CNTN4: variants seen among roughly 807,000 people sequenced by gnomAD.
The protein encoded by CNTN4 is contactin 4.
In CNTN4, 77 loss-of-function variants were observed where a neutral mutation model predicts 122.5. That is an observed-to-expected ratio of 0.63 (90% CI 0.52 to 0.76). CNTN4 has a LOEUF of 0.76. Ranked by LOEUF, CNTN4 falls within the 30% of genes least tolerant of loss-of-function variation. CNTN4 has a pLI of 0.00. For synonymous variants in CNTN4, 512 were observed against 447.0 expected, an observed-to-expected ratio of 1.15 and a Z score of -1.83; for missense variants, 1,256 against 1,259.1, an observed-to-expected ratio of 1.00 and a Z score of 0.04.
intron 2 of CNTN4, among the ~76,000 whole-genome samples, chr3:2,334,825 G>C (rs1173223167): frequency 6.6e-6 from 1 of 152,124 alleles, no homozygotes; most frequent in Non-Finnish European, 1.5e-5. Context: ...CCGCATCTGG[G>C]TTTTTGAACA....
At chr3:2,941,801 G>A (rs2094618846) in intron 13 of CNTN4, among the ~76,000 whole-genome samples, 1 of 152,076 alleles carries the variant, frequency 6.6e-6, no homozygotes, top group South Asian at 2.1e-4. Context: ...AACCTACAAG[G>A]TATGGCATGG....
intron 2 of CNTN4, among the ~76,000 whole-genome samples, chr3:2,183,059 A>G (rs980882018): frequency 4.6e-5 from 7 of 152,180 alleles, no homozygotes; most frequent in Admixed American, 1.3e-4. Flanking sequence ...AGTAAGTTCA[A>G]TAACTAACAT....
At chr3:2,220,508 A>G (rs1326302412) in intron 2 of CNTN4, among the ~76,000 whole-genome samples, 1 of 152,136 alleles carries the variant, frequency 6.6e-6, no homozygotes, top group Non-Finnish European at 1.5e-5. Context: ...TTGTCAAGAT[A>G]TGTAAGAAAG....
intron 5 of CNTN4, among the ~76,000 whole-genome samples, chr3:2,743,417 A>G (rs1322513064): frequency 6.6e-6 from 1 of 152,132 alleles, no homozygotes; most frequent in Non-Finnish European, 1.5e-5. Flanking sequence ...AAACATTGTC[A>G]GTTTCTAATC....
intron 4 of CNTN4, among the ~76,000 whole-genome samples, chr3:2,596,300 T>C (rs1187602779): frequency 1.3e-5 from 2 of 152,178 alleles, no homozygotes; most frequent in African/African-American, 4.8e-5. Context: ...CACAAATTAA[T>C]TTACTAAACA....
chr3:2,670,694 G>A (rs1327797384), intron 4 of CNTN4, among the ~76,000 whole-genome samples: 1 of 152,156 alleles, frequency 6.6e-6, no homozygotes, highest in African/African-American at 2.4e-5. Flanking sequence ...AGCCTCGATG[G>A]TCTTTACAAT....
rs370506181 is a variant in CNTN4 at position 2,994,613 on chromosome 3, A to ATATATATG, written c.1486+6142_1486+6143insATATATGT. Among the ~76,000 whole-genome samples the ATATATATG allele has an allele frequency of 7.0e-3, 1,001 of 142,178 alleles. 13 individuals carry two copies. Among genetic ancestry groups the ATATATATG allele is most frequent in the African/African-American group, 0.023 (881 of 38,236 alleles). The allele number at this position is 142,178 out of a possible 152,430, so 93.3% of individuals were successfully genotyped here. A position where few individuals can be genotyped will look rare whatever the true frequency, so the allele number is the denominator to read the frequency against. On this transcript the variant is annotated intron_variant, in intron 14 of 24. Coordinates refer to ENST00000418658, the MANE Select transcript of CNTN4 (RefSeq NM_175607.3). ...TTTTTTCATATATATATATATATAT[A>ATATATATG]TGTGTGTATATATATATTTGTACCA...
At chr3:2,108,457 C>T (rs1344719301) in intron 2 of CNTN4, among the ~76,000 whole-genome samples, 1 of 152,074 alleles carries the variant, frequency 6.6e-6, no homozygotes, top group African/African-American at 2.4e-5. Flanking sequence ...TTTTTAAAAC[C>T]AGGAAAGTCT....
At chr3:2,903,590 C>T (rs2094198339) in intron 12 of CNTN4, among the ~76,000 whole-genome samples, 1 of 152,152 alleles carries the variant, frequency 6.6e-6, no homozygotes, top group African/African-American at 2.4e-5. Context: ...GCTTTTCCTT[C>T]CCCTCTTCAT....
At chr3:2,327,279 G>T (rs2043503270) in intron 2 of CNTN4, among the ~76,000 whole-genome samples, 1 of 152,056 alleles carries the variant, frequency 6.6e-6, no homozygotes, top group African/African-American at 2.4e-5. Context: ...GATGGATTTT[G>T]CTTCAAAATT....
At chr3:2,616,742 A>G (rs2081759090) in intron 4 of CNTN4, among the ~76,000 whole-genome samples, 1 of 152,324 alleles carries the variant, frequency 6.6e-6, no homozygotes, top group South Asian at 2.1e-4. Context: ...TTCGAACTAT[A>G]CTACAAAGCT....
chr3:2,377,863 G>T (rs1312630913), intron 3 of CNTN4, among the ~76,000 whole-genome samples: 1 of 151,950 alleles, frequency 6.6e-6, no homozygotes, highest in Non-Finnish European at 1.5e-5. Flanking sequence ...TGCGACCCAG[G>T]GAAGCCAAAA....
intron 3 of CNTN4, among the ~76,000 whole-genome samples, chr3:2,489,054 A>C (rs1334400279): frequency 6.6e-6 from 1 of 152,128 alleles, no homozygotes; most frequent in African/African-American, 2.4e-5. Flanking sequence ...CTGTTTTTGC[A>C]AATTACTTTT....
chr3:2,791,631 A>G (rs887723223), intron 6 of CNTN4, among the ~76,000 whole-genome samples: 1 of 152,156 alleles, frequency 6.6e-6, no homozygotes, highest in Non-Finnish European at 1.5e-5. Context: ...TGCCTGATGT[A>G]TTACTTTTCT....
intron 8 of CNTN4, among the ~76,000 whole-genome samples, chr3:2,877,090 C>T (rs1577124817): frequency 2.0e-5 from 3 of 152,156 alleles, no homozygotes; most frequent in South Asian, 4.1e-4. Flanking sequence ...AACTGCCAAC[C>T]GTGTCTTCCT....
At chr3:2,175,726 G>A (rs1303656224) in intron 2 of CNTN4, among the ~76,000 whole-genome samples, 2 of 152,068 alleles carry the variant, frequency 1.3e-5, no homozygotes, top group Non-Finnish European at 2.9e-5. Context: ...CTTAATAAGT[G>A]ACTTGGTAAG....
intron 14 of CNTN4, among the ~76,000 whole-genome samples, chr3:2,990,569 G>C (rs1034168581): frequency 6.6e-6 from 1 of 152,130 alleles, no homozygotes; most frequent in Non-Finnish European, 1.5e-5. Context: ...GAAAGGAGAG[G>C]CCTCTATTTC....
intron 4 of CNTN4, among the ~76,000 whole-genome samples, chr3:2,668,025 T>C (rs2084274838): frequency 6.6e-6 from 1 of 152,164 alleles, no homozygotes; most frequent in African/African-American, 2.4e-5. Flanking sequence ...TCAGGTAACA[T>C]GATGCCTCCA....
Position 2,228,046 on chromosome 3 carries a change from C to G in CNTN4, c.-144-111132C>G, listed in dbSNP as rs182333204. On this transcript the variant is annotated intron_variant, in intron 2 of 24. Coordinates refer to ENST00000418658, the MANE Select transcript of CNTN4 (RefSeq NM_175607.3). ...AAATGTTTATTTTTTCCAAAGATTA[C>G]TAACAGAATTTAAGTAAATGAAAAT... Among the ~76,000 whole-genome samples the G allele has an allele frequency of 7.1e-4, 104 of 146,062 alleles. 2 individuals carry two copies. The East Asian group carries it at 0.018, about 25-fold the overall frequency.
Sources: gnomAD v4.1 joint callset for allele counts (sites outside exome capture counted in the v4.1 genomes callset) on GRCh38, gnomAD v4.1.1 for gene constraint, MANE v1.5 for transcripts, NCBI Gene and HGNC (gene_info 2026-07-23, HGNC 2026-07-21) for gene names.